The following MYO3B variants were observed in gnomAD, a reference collection of about 807,000 sequenced individuals.
MYO3B encodes the protein myosin-IIIb.
In MYO3B, 156 loss-of-function variants were observed where a neutral mutation model predicts 174.6. That is an observed-to-expected ratio of 0.89 (90% CI 0.78 to 1.02). MYO3B has a LOEUF of 1.02. Ranked by LOEUF, MYO3B falls within the 50% of genes least tolerant of loss-of-function variation. MYO3B has a pLI of 0.00. For synonymous variants in MYO3B, 563 were observed against 569.1 expected (o/e 0.99, Z 0.15); for missense variants, 1,632 against 1,639.4 (o/e 1.00, Z 0.08).
At chr2:170,178,336 AG>A (rs1452019778) in intron 1 of MYO3B, 47 bp downstream of exon 1, 1 of 1,613,550 alleles carries the variant, frequency 6.2e-7, no homozygotes, top group Middle Eastern at 1.6e-4. Context: ...TGCTTGCTTT[AG>A]ATTGTTTTTC....
intron 32 of MYO3B, among the ~76,000 whole-genome samples, chr2:170,634,900 T>TCAAAACCACAGTG (rs1697332638): frequency 6.6e-6 from 1 of 152,104 alleles, no homozygotes; most frequent in South Asian, 2.1e-4. Context: ...GAAATGCAAA[T>TCAAAACCACAGTG]CAAAACCACA....
At chr2:170,447,975 T>C (rs1267214701) in intron 23 of MYO3B, among the ~76,000 whole-genome samples, 2 of 152,086 alleles carry the variant, frequency 1.3e-5, no homozygotes, top group Non-Finnish European at 2.9e-5. Flanking sequence ...ATCCATCGAG[T>C]CCAGGGTCTG....
chr2:170,202,949 G>A (rs941045617), intron 3 of MYO3B, among the ~76,000 whole-genome samples: 1 of 152,088 alleles, frequency 6.6e-6, no homozygotes, highest in East Asian at 1.9e-4. Flanking sequence ...CTTAAATCAC[G>A]ACAACTCTGA....
At chr2:170,452,823 TAATC>T (rs971866030) in intron 23 of MYO3B, among the ~76,000 whole-genome samples, 104 of 152,166 alleles carry the variant, frequency 6.8e-4, no homozygotes, top group Middle Eastern at 3.4e-3. Flanking sequence ...TAGGGGAAAA[TAATC>T]AATAAATGGC....
chr2:170,544,091 C>G, intron 32 of MYO3B, 103 bp downstream of exon 32: 1 of 836,260 alleles, frequency 1.2e-6, no homozygotes, highest in South Asian at 1.8e-5. Context: ...GTAATATGAC[C>G]AAATGTTGGC....
chr2:170,178,548 C>CACCA (rs1312466792), intron 1 of MYO3B, among the ~76,000 whole-genome samples: 8 of 151,164 alleles, frequency 5.3e-5, no homozygotes, highest in African/African-American at 1.7e-4. Context: ...CAGACACACA[C>CACCA]CACACACACA....
At chr2:170,185,050 A>T (rs1439592816) in intron 1 of MYO3B, among the ~76,000 whole-genome samples, 2 of 118,368 alleles carry the variant, frequency 1.7e-5, no homozygotes, top group South Asian at 3.1e-4. Context: ...GAGTTGTTTG[A>T]TCTCCTTATA....
At chr2:170,291,491 T>C (rs2093595675) in intron 7 of MYO3B, among the ~76,000 whole-genome samples, 1 of 152,232 alleles carries the variant, frequency 6.6e-6, no homozygotes, top group Non-Finnish European at 1.5e-5. Flanking sequence ...TATTCTGGGT[T>C]TGTCCATGCA....
intron 32 of MYO3B, among the ~76,000 whole-genome samples, chr2:170,641,772 A>G (rs1214828870): frequency 4.8e-5 from 7 of 147,286 alleles, no homozygotes; most frequent in Non-Finnish European, 8.9e-5. Context: ...TTCATTTATT[A>G]CCTTTTCAAA....
intron 30 of MYO3B, among the ~76,000 whole-genome samples, chr2:170,535,569 G>C (rs1309104680): frequency 1.3e-5 from 2 of 152,170 alleles, no homozygotes; most frequent in African/African-American, 2.4e-5. Context: ...ATTATGCTGA[G>C]GCTGAGAGCA....
intron 8 of MYO3B, among the ~76,000 whole-genome samples, chr2:170,352,407 A>G (rs919680112): frequency 6.6e-6 from 1 of 152,240 alleles, no homozygotes; most frequent in African/African-American, 2.4e-5. Context: ...GAAAGGGTCT[A>G]CAGAAAATTT....
intron 32 of MYO3B, among the ~76,000 whole-genome samples, chr2:170,574,671 CT>C (rs1318549642): frequency 6.6e-6 from 1 of 152,152 alleles, no homozygotes; most frequent in Non-Finnish European, 1.5e-5. Context: ...TTTTTCCCCC[CT>C]CAGGGTGAAA....
intron 30 of MYO3B, among the ~76,000 whole-genome samples, chr2:170,531,235 A>T (rs567730291): frequency 6.6e-6 from 1 of 152,306 alleles, no homozygotes; most frequent in South Asian, 2.1e-4. Context: ...CATTTGTAAA[A>T]ATGCAAAAAG....
chr2:170,644,171 T>G (rs1698195439), intron 32 of MYO3B, among the ~76,000 whole-genome samples: 1 of 152,352 alleles, frequency 6.6e-6, no homozygotes, highest in South Asian at 2.1e-4. Flanking sequence ...TACACTCAGC[T>G]AGATTTGAAT....
intron 32 of MYO3B, among the ~76,000 whole-genome samples, chr2:170,636,400 CTTT>C (rs10712536): frequency 7.0e-6 from 1 of 143,058 alleles, no homozygotes. Context: ...CCATGAATTT[CTTT>C]TTTTTTTTTT....
intron 25 of MYO3B, among the ~76,000 whole-genome samples, chr2:170,474,489 C>T (rs1054923390): frequency 5.3e-5 from 8 of 151,694 alleles, no homozygotes; most frequent in Admixed American, 3.9e-4. Flanking sequence ...GTAATCCCAG[C>T]ACTTTGGGAG....
In MYO3B at chr2:170,508,645, A is replaced by G. The variant is rs575783003; in HGVS notation, c.3371-6276A>G. ...AGAGCCTTCACTCAGTGCTCTTTTC[A>G]GTAGACCATGCCCTGCCATTGGTTT... On this transcript the variant is annotated intron_variant, in intron 28 of 34. Transcript: ENST00000408978. Among the ~76,000 whole-genome samples the G allele has an allele frequency of 1.4e-4, 22 of 152,352 alleles. No homozygotes were observed. The East Asian group carries it at 2.9e-3, about 20-fold the overall frequency.
At chr2:170,288,398 C>A (rs1428638310) in intron 7 of MYO3B, among the ~76,000 whole-genome samples, 1 of 151,894 alleles carries the variant, frequency 6.6e-6, no homozygotes, top group Admixed American at 6.6e-5. Context: ...TCTTCGATTT[C>A]TTTCATCCAA....
intron 7 of MYO3B, among the ~76,000 whole-genome samples, chr2:170,323,439 G>T (rs1278680280): frequency 2.0e-5 from 3 of 152,218 alleles, no homozygotes; most frequent in Non-Finnish European, 4.4e-5. Flanking sequence ...ATGTCAGAAG[G>T]GCAACTGGCT....
Sources: gnomAD v4.1 joint callset for allele counts (sites outside exome capture counted in the v4.1 genomes callset) on GRCh38, gnomAD v4.1.1 for gene constraint, MANE v1.5 for transcripts, NCBI Gene and HGNC (gene_info 2026-07-23, HGNC 2026-07-21) for gene names.